Variants in HYKK observed in about 807,000 individuals in gnomAD.
HYKK encodes hydroxylysine kinase, also known as 5-hydroxy-L-lysine kinase.
Under a neutral mutation model 29.7 loss-of-function variants are expected in HYKK, and 19 were observed. The ratio of observed to expected loss-of-function variants is 0.64; its 90% CI spans 0.45 to 0.94. The LOEUF (loss-of-function observed/expected upper bound fraction) is 0.94, where lower values mean the gene tolerates loss of function less well. HYKK is among the 40% of genes least tolerant of loss of function. HYKK has a pLI of 0.00. For synonymous variants in HYKK, 152 were observed against 158.1 expected (o/e 0.96, Z 0.29); for missense variants, 390 against 443.4 (o/e 0.88, Z 1.08).
chr15:78,509,610 G>A (rs2052051097), intron 1 of HYKK, among the ~76,000 whole-genome samples: 1 of 152,166 alleles, frequency 6.6e-6, no homozygotes, highest in Non-Finnish European at 1.5e-5. Flanking sequence ...AGTTGAAAAT[G>A]ACTCCAGGAT....
At chr15:78,517,717 A>G (rs1367651471) in intron 3 of HYKK, among the ~76,000 whole-genome samples, 4 of 152,124 alleles carry the variant, frequency 2.6e-5, no homozygotes, top group Non-Finnish European at 5.9e-5. Flanking sequence ...AGTTACTTGG[A>G]AGCAGTTTGA....
rs201387141 is a variant in HYKK at position 78,525,520 on chromosome 15, CAG to C, written c.478-1857_478-1856del. On this transcript the variant is annotated intron_variant, in intron 3 of 4. Coordinates refer to ENST00000388988, the MANE Select transcript of HYKK (RefSeq NM_001013619.4). ...TTTTTTATATATATATTTTTTGAGA[CAG>C]AGTCTCACTCTGTCGCCCAGGCTGA... Among the ~76,000 whole-genome samples, 551 of 140,620 alleles carry C rather than the reference CAG, an allele frequency of 3.9e-3. 14 individuals carry two copies. In the East Asian group the frequency reaches 0.072, roughly 18 times the overall value. 92.3% of individuals were successfully genotyped at this position (140,620 alleles called of 152,430 possible).
intron 2 of HYKK, 56 bp from the exon 3 acceptor site, chr15:78,514,912 A>ATG (rs1567016028): frequency 1.3e-5 from 3 of 226,382 alleles, no homozygotes; most frequent in African/African-American, 1.2e-4. Context: ...CTCTCTCTAT[A>ATG]TATATATATA....
In HYKK at chr15:78,513,070, T is replaced by C; in HGVS notation, c.-5-14T>C. 1 of 1,471,150 alleles carries C rather than the reference T, an allele frequency of 6.8e-7. No individual in the cohort carries two copies. The highest frequency in any genetic ancestry group is 1.2e-5 in the South Asian group (1 of 84,450). 91.1% of individuals were successfully genotyped at this position (1,471,150 alleles called of 1,614,324 possible). On this transcript the variant is annotated splice_polypyrimidine_tract_variant and intron_variant, in intron 1 of 4. Transcript: ENST00000388988. ...CTGTGTCCCCTTTCTGTTTGTTGCT[T>C]TTTGTTCCCCTAGACATAATGTCAA...
At position 78,534,062 on chromosome 15, in the gene HYKK, A is replaced by G. The variant is rs964885046; in HGVS notation, c.*392A>G. 1 of 161,608 alleles carries G rather than the reference A, an allele frequency of 6.2e-6. No homozygotes were observed. Among genetic ancestry groups the G allele is most frequent in the Non-Finnish European group, 1.3e-5 (1 of 74,312 alleles). The allele number at this position is 161,608 out of a possible 1,614,324, so 10.0% of individuals were successfully genotyped here. ...ATATCTGGACATAACATACTGACCT[A>G]GATAACATACTACCAGTTCTATGAA... is the stretch of plus-strand genomic sequence containing the variant. On this transcript the variant is annotated 3_prime_UTR_variant, in exon 5 of 5. Transcript: ENST00000388988.
chr15:78,509,128 T>C (rs1375378276), intron 1 of HYKK, among the ~76,000 whole-genome samples: 3 of 152,206 alleles, frequency 2.0e-5, no homozygotes, highest in African/African-American at 7.2e-5. Flanking sequence ...TTTTTTTCTT[T>C]GTTTTTATTT....
chr15:78,519,170 T>C (rs2052166365), intron 3 of HYKK, among the ~76,000 whole-genome samples: 1 of 152,222 alleles, frequency 6.6e-6, no homozygotes, highest in South Asian at 2.1e-4. Context: ...GCATACTTGG[T>C]GCTCAGCATA....
chr15:78,514,784 G>A (rs1387529493), intron 2 of HYKK, among the ~76,000 whole-genome samples, 184 bp from the exon 3 acceptor site: 1 of 151,862 alleles, frequency 6.6e-6, no homozygotes, highest in African/African-American at 2.4e-5. Context: ...GAATCCTGCC[G>A]AGCTGTTTTA....
At chr15:78,523,329 C>T (rs767465225) in intron 3 of HYKK, among the ~76,000 whole-genome samples, 56 of 152,206 alleles carry the variant, frequency 3.7e-4, no homozygotes, top group Middle Eastern at 3.4e-3. Flanking sequence ...GGGGGTGCTG[C>T]ATACCTTTAA....
chr15:78,526,485 G>A (rs1288964284), intron 3 of HYKK, among the ~76,000 whole-genome samples: 3 of 152,186 alleles, frequency 2.0e-5, no homozygotes, highest in East Asian at 3.8e-4. Flanking sequence ...GTAAAGACCT[G>A]GTAGAAATGA....
At position 78,534,822 on chromosome 15, in the gene HYKK, G is replaced by A. The variant is rs181957069; in HGVS notation, c.*1152G>A. On this transcript the variant is annotated 3_prime_UTR_variant, in exon 5 of 5. Coordinates refer to ENST00000388988, the MANE Select transcript of HYKK (RefSeq NM_001013619.4). ...CATCCAGGCAAGGCCACTAACCCCT[G>A]AGCTACTTAAATATAATGGTTCCTT... The A allele has an allele frequency of 6.6e-6, 1 of 152,298 alleles. No homozygotes were observed. The highest frequency in any genetic ancestry group is 6.5e-5 in the Admixed American group (1 of 15,296). The allele number at this position is 152,298 out of a possible 1,614,324, so 9.4% of individuals were successfully genotyped here.
chr15:78,532,123 G>A (rs1289094788), intron 4 of HYKK, among the ~76,000 whole-genome samples: 1 of 152,124 alleles, frequency 6.6e-6, no homozygotes, highest in East Asian at 1.9e-4. Flanking sequence ...GTGCTTCTTA[G>A]ACTATCTATG....
rs1461070375 is a variant in HYKK at position 78,534,247 on chromosome 15, T to G, written c.*577T>G. On this transcript the variant is annotated 3_prime_UTR_variant, in exon 5 of 5. Transcript: ENST00000388988. ...TTATTTTTGTCTCCTCAGCCCTTCT[T>G]TTTTTTTTTTTTTTTTTTTTGAGAC... 1 of 70,080 alleles carries G rather than the reference T, an allele frequency of 1.4e-5. No homozygotes were observed. Among genetic ancestry groups the G allele is most frequent in the East Asian group, 4.9e-4 (1 of 2,030 alleles). The allele number at this position is 70,080 out of a possible 1,614,324, so 4.3% of individuals were successfully genotyped here.
chr15:78,515,382 G>A (rs889172038), intron 3 of HYKK, among the ~76,000 whole-genome samples: 3 of 152,044 alleles, frequency 2.0e-5, no homozygotes, highest in Admixed American at 6.6e-5. Flanking sequence ...CCAGGAATTT[G>A]AGACCAGCCT....
chr15:78,522,138 T>C (rs1190490841), intron 3 of HYKK, among the ~76,000 whole-genome samples: 1 of 152,064 alleles, frequency 6.6e-6, no homozygotes, highest in Non-Finnish European at 1.5e-5. Context: ...ATAAAAATAA[T>C]AAATATGCAC....
chr15:78,512,002 C>A (rs553925937), intron 1 of HYKK, among the ~76,000 whole-genome samples: 3 of 152,286 alleles, frequency 2.0e-5, no homozygotes, highest in African/African-American at 7.2e-5. Flanking sequence ...TCAAATGTAA[C>A]TTTATTTTTT....
chr15:78,527,561 A>G lies in HYKK; in HGVS notation c.659A>G (p.Glu220Gly). The G allele has an allele frequency of 6.2e-7, 1 of 1,613,386 alleles. No homozygotes were observed. Among genetic ancestry groups the G allele is most frequent in the Non-Finnish European group, 8.5e-7 (1 of 1,179,388 alleles). Residue 220 changes from glutamate (E) to glycine (G), a missense_variant and splice_region_variant, in exon 4 of 5, where the codon GAA becomes GGA. Coordinates refer to ENST00000388988, the MANE Select transcript of HYKK (RefSeq NM_001013619.4). ...EVMTKLSHFR[E>G]CINHGDLNDH... ...ATGACCAAATTAAGTCATTTTCGAG[A>G]ATGTGAGTATTCTCCCAATTAAGTA...
intron 2 of HYKK, among the ~76,000 whole-genome samples, chr15:78,514,179 TAGAA>T (rs993936092): frequency 1.2e-4 from 19 of 152,074 alleles, no homozygotes; most frequent in African/African-American, 4.1e-4. Flanking sequence ...TGTGGTATAG[TAGAA>T]AGAATATAAT....
At chr15:78,513,580 T>C (rs1406436248) in intron 2 of HYKK, among the ~76,000 whole-genome samples, 155 bp downstream of exon 2, 3 of 152,118 alleles carry the variant, frequency 2.0e-5, no homozygotes, top group Non-Finnish European at 4.4e-5. Flanking sequence ...TTAGAGGTGG[T>C]TGTGTTTTCG....
Sources: gnomAD v4.1 joint callset for allele counts (sites outside exome capture counted in the v4.1 genomes callset) on GRCh38, gnomAD v4.1.1 for gene constraint, MANE v1.5 for transcripts, NCBI Gene and HGNC (gene_info 2026-07-23, HGNC 2026-07-21) for gene names.